The following CTNNA2 variants were observed in gnomAD, a reference collection of about 807,000 sequenced individuals.
CTNNA2 encodes the protein catenin alpha-2.
Under a neutral mutation model 101.0 loss-of-function variants are expected in CTNNA2, and 42 were observed. That is an observed-to-expected ratio of 0.42 (90% CI 0.32 to 0.54). The LOEUF is 0.54. Ranked by LOEUF, CTNNA2 falls within the 20% of genes least tolerant of loss-of-function variation. The pLI is 0.14. For synonymous variants in CTNNA2, 450 were observed against 456.4 expected, an observed-to-expected ratio of 0.99 and a Z score of 0.18; for missense variants, 871 against 1,223.1, an observed-to-expected ratio of 0.71 and a Z score of 4.29.
At chr2:80,309,105 A>G (rs957287688) in intron 7 of CTNNA2, among the ~76,000 whole-genome samples, 7 of 151,866 alleles carry the variant, frequency 4.6e-5, no homozygotes, top group African/African-American at 1.5e-4. Flanking sequence ...AGGAAAAAAG[A>G]AAAAAAAGAG....
intron 7 of CTNNA2, among the ~76,000 whole-genome samples, chr2:80,200,397 G>T (rs1707124922): frequency 6.6e-6 from 1 of 152,226 alleles, no homozygotes; most frequent in East Asian, 1.9e-4. Flanking sequence ...CTATCATTAT[G>T]CTGTGTTATG....
At chr2:80,488,915 A>G (rs1309491568) in intron 9 of CTNNA2, among the ~76,000 whole-genome samples, 1 of 152,196 alleles carries the variant, frequency 6.6e-6, no homozygotes, top group East Asian at 1.9e-4. Context: ...ATACACATAT[A>G]CACACGTGTG....
At chr2:79,932,407 A>T (rs888518346) in intron 7 of CTNNA2, among the ~76,000 whole-genome samples, 1 of 152,166 alleles carries the variant, frequency 6.6e-6, no homozygotes, top group African/African-American at 2.4e-5. Context: ...ATCATAGTTT[A>T]AAACCTTTAA....
chr2:80,379,148 G>T (rs1401536503), intron 7 of CTNNA2, among the ~76,000 whole-genome samples: 2 of 151,988 alleles, frequency 1.3e-5, no homozygotes, highest in African/African-American at 4.8e-5. Flanking sequence ...GTGTAGACAG[G>T]TTTACAAGCA....
intron 3 of CTNNA2, among the ~76,000 whole-genome samples, chr2:79,364,010 AG>A (rs797012839): frequency 6.6e-5 from 10 of 152,328 alleles, no homozygotes; most frequent in African/African-American, 2.4e-4. Flanking sequence ...GCTGGAGAAA[AG>A]GCATTACATC....
chr2:79,955,123 T>C (rs190899111), intron 7 of CTNNA2, among the ~76,000 whole-genome samples: 104 of 152,332 alleles, frequency 6.8e-4, no homozygotes, highest in African/African-American at 2.1e-3. Flanking sequence ...TGACATGTTT[T>C]ATTATGGCAG....
At chr2:79,380,767 T>G (rs921076315) in intron 4 of CTNNA2, among the ~76,000 whole-genome samples, 24 of 152,176 alleles carry the variant, frequency 1.6e-4, no homozygotes, top group African/African-American at 5.8e-4. Flanking sequence ...CTTTTAACAT[T>G]ACAAAAATAT....
In CTNNA2 at chr2:79,909,419, A is replaced by G. The variant is rs187238130; in HGVS notation, c.853-175A>G. The stretch of plus-strand genomic sequence containing the variant: ...TTTAGCTGAAGATTACATTTAGGAC[A>G]AAATATCTAGAAAAAGTTAATACTT... On this transcript the variant is annotated intron_variant, in intron 6 of 18. Transcript: ENST00000402739. Among the ~76,000 whole-genome samples, 76 of 152,386 alleles carry G rather than the reference A, an allele frequency of 5.0e-4. 2 individuals are homozygous for G. In the East Asian group the frequency reaches 9.2e-3, roughly 19 times the overall value.
At chr2:80,172,095 G>A (rs751864190) in intron 7 of CTNNA2, among the ~76,000 whole-genome samples, 1 of 152,148 alleles carries the variant, frequency 6.6e-6, no homozygotes, top group Non-Finnish European at 1.5e-5. Context: ...TCATGACAGG[G>A]AGCGGTTTCC....
intron 7 of CTNNA2, among the ~76,000 whole-genome samples, chr2:80,211,810 G>A (rs1429139083): frequency 6.6e-6 from 1 of 152,164 alleles, no homozygotes; most frequent in Non-Finnish European, 1.5e-5. Flanking sequence ...ACCTTGAGAA[G>A]TATGGCCATT....
chr2:80,293,593 G>A (rs1180286065), intron 7 of CTNNA2, among the ~76,000 whole-genome samples: 1 of 152,140 alleles, frequency 6.6e-6, no homozygotes, highest in Non-Finnish European at 1.5e-5. Flanking sequence ...CCAAATGTAT[G>A]CTACCCGTCT....
chr2:80,441,081 C>T (rs898460079), intron 9 of CTNNA2, among the ~76,000 whole-genome samples: 5 of 152,128 alleles, frequency 3.3e-5, no homozygotes, highest in Non-Finnish European at 4.4e-5. Flanking sequence ...CACATGCTTC[C>T]CCTAACATCC....
intron 3 of CTNNA2, among the ~76,000 whole-genome samples, chr2:79,779,986 C>A (rs1674300804): frequency 6.6e-6 from 1 of 152,152 alleles, no homozygotes; most frequent in African/African-American, 2.4e-5. Context: ...GAGACACTTA[C>A]AATCTATTAT....
At chr2:80,643,927 T>C (rs1673761835) in intron 18 of CTNNA2, among the ~76,000 whole-genome samples, 2 of 152,104 alleles carry the variant, frequency 1.3e-5, no homozygotes, top group African/African-American at 2.4e-5. Context: ...GAATCACAGA[T>C]TGTGAGAGAT....
At chr2:79,517,179 G>T (rs1035608663) in intron 1 of CTNNA2, among the ~76,000 whole-genome samples, 1 of 152,092 alleles carries the variant, frequency 6.6e-6, no homozygotes, top group African/African-American at 2.4e-5. Context: ...GTTTTTAGTT[G>T]AGGTTCATAA....
intron 11 of CTNNA2, among the ~76,000 whole-genome samples, chr2:80,554,585 A>AG (rs1368655692): frequency 6.6e-6 from 1 of 152,150 alleles, no homozygotes; most frequent in Non-Finnish European, 1.5e-5. Context: ...GGGTAGAAAG[A>AG]GGGAGGGATC....
rs534411355 is a variant in CTNNA2, at chr2:79,272,864, C to A, written c.-405-39845C>A. 3.3e-4 allele frequency among the ~76,000 whole-genome samples: 50 copies of A among 152,172 alleles called. 1 individual carries two copies. Among genetic ancestry groups the A allele is most frequent in the African/African-American group, 1.2e-3 (49 of 41,530 alleles). On this transcript the variant is annotated intron_variant, in intron 2 of 21. Transcript: ENST00000466387. ...TTGAGATAACTGATATGTTTACACTCATCCCTATTTCAGACAGACTCTTTG... is the reference window on the plus strand; with the variant it reads ...TTGAGATAACTGATATGTTTACACTAATCCCTATTTCAGACAGACTCTTTG...
chr2:79,486,107 G>T (rs1046182557), intron 4 of CTNNA2, among the ~76,000 whole-genome samples: 1 of 151,940 alleles, frequency 6.6e-6, no homozygotes, highest in Admixed American at 6.6e-5. Context: ...AAGTTTTAGG[G>T]TACATGTGCA....
At chr2:79,610,403 C>T (rs1198681293) in intron 1 of CTNNA2, among the ~76,000 whole-genome samples, 1 of 152,040 alleles carries the variant, frequency 6.6e-6, no homozygotes, top group African/African-American at 2.4e-5. Context: ...TATGTCTGTA[C>T]AAAGACTTGC....
Sources: allele counts gnomAD v4.1 joint callset (sites outside exome capture counted in the v4.1 genomes callset), GRCh38; gene constraint gnomAD v4.1.1; transcripts MANE v1.5; gene names NCBI Gene and HGNC (gene_info 2026-07-23, HGNC 2026-07-21).